Variants in ARHGEF4 observed in about 807,000 individuals in gnomAD.
The protein encoded by ARHGEF4 is Rho guanine nucleotide exchange factor 4.
In ARHGEF4, 119 loss-of-function variants were observed where a neutral mutation model predicts 162.0. The ratio of observed to expected loss-of-function variants is 0.73; its 90% CI spans 0.63 to 0.86. ARHGEF4 has a LOEUF of 0.86. Among genes scored for constraint, ARHGEF4 ranks in the 40% least tolerant of loss-of-function variants. ARHGEF4 has a pLI of 0.00. For missense variants in ARHGEF4, 2,488 were observed against 2,456.0 expected (o/e 1.01, Z -0.28); for synonymous variants, 1,014 against 979.9 (o/e 1.03, Z -0.65).
At chr2:130,851,736 A>G (rs1214563522) in intron 1 of ARHGEF4, among the ~76,000 whole-genome samples, 1 of 152,206 alleles carries the variant, frequency 6.6e-6, no homozygotes, top group African/African-American at 2.4e-5. Flanking sequence ...GAGCTGGAAC[A>G]AGGTCCCAAC....
chr2:130,880,831 A>T (rs1314818394), intron 1 of ARHGEF4, among the ~76,000 whole-genome samples: 5 of 145,612 alleles, frequency 3.4e-5, no homozygotes, highest in East Asian at 2.0e-4. Context: ...ACCCGGCCAA[A>T]TTTTTTTTTT....
chr2:130,927,758 C>T (rs1384969216), intron 2 of ARHGEF4, among the ~76,000 whole-genome samples: 1 of 152,102 alleles, frequency 6.6e-6, no homozygotes, highest in South Asian at 2.1e-4. Context: ...TTTTATGATC[C>T]CTAGCTGGTC....
At chr2:131,039,740 G>A (rs546812440) in intron 6 of ARHGEF4, 2 of 1,348,260 alleles carry the variant, frequency 1.5e-6, no homozygotes, top group Non-Finnish European at 1.9e-6. Flanking sequence ...TGCAGCAAGC[G>A]CTCCAGCCTC....
intron 2 of ARHGEF4, among the ~76,000 whole-genome samples, chr2:130,924,383 C>G (rs150370845): frequency 0.015 from 2,330 of 151,612 alleles, 70 homozygotes; most frequent in African/African-American, 0.053. Context: ...TCTCCTGCCT[C>G]AGCCTCCCAA....
intron 1 of ARHGEF4, among the ~76,000 whole-genome samples, chr2:130,856,459 C>G (rs762625819): frequency 1.3e-5 from 2 of 152,152 alleles, no homozygotes; most frequent in Non-Finnish European, 2.9e-5. Context: ...TTGTTGCTAG[C>G]AGATTTGCCT....
At chr2:130,931,297 G>A in intron 3 of ARHGEF4, 40 bp downstream of exon 3, 1 of 1,536,684 alleles carries the variant, frequency 6.5e-7, no homozygotes, top group Non-Finnish European at 8.8e-7. Flanking sequence ...ACTTGGTCTG[G>A]TATCCCCTTC....
chr2:131,042,094 C>T, intron 10 of ARHGEF4, 150 bp downstream of exon 10: 1 of 1,227,722 alleles, frequency 8.1e-7, no homozygotes. Flanking sequence ...AAAGCCTGTC[C>T]CCAGCGTGGG....
intron 1 of ARHGEF4, among the ~76,000 whole-genome samples, chr2:130,838,967 A>T (rs549726628): frequency 1.3e-5 from 2 of 152,174 alleles, no homozygotes; most frequent in Non-Finnish European, 2.9e-5. Context: ...ACGGTCCTCC[A>T]GTTCCCCATC....
intron 1 of ARHGEF4, among the ~76,000 whole-genome samples, chr2:130,876,134 C>G (rs576694798): frequency 6.6e-6 from 1 of 152,194 alleles, no homozygotes; most frequent in Non-Finnish European, 1.5e-5. Context: ...GTCCTCACCC[C>G]GCAGGTGATT....
intron 4 of ARHGEF4, among the ~76,000 whole-genome samples, chr2:130,975,111 C>T (rs763815866): frequency 7.9e-5 from 12 of 152,266 alleles, no homozygotes; most frequent in East Asian, 1.9e-4. Flanking sequence ...GTCTGAGGGC[C>T]GCAGTCCAGG....
rs769440403 is a variant in ARHGEF4, at chr2:130,916,413, C to T, written c.2467C>T (p.Arg823Cys). ...CCCGGCCCCGACCACCGAGGGTCGCCGCTGGGGCTCTTCAGGCCCCGAGGG... is the reference window on the plus strand; with the variant it reads ...CCCGGCCCCGACCACCGAGGGTCGCTGCTGGGGCTCTTCAGGCCCCGAGGG... ...GVPAPTTEGRRWGSSGPEGLP... is the reference protein window; with the variant it reads ...GVPAPTTEGRCWGSSGPEGLP... The change falls in exon 2 of 14, where the codon CGC (arginine) becomes TGC (cysteine). Residue 823 changes from arginine to cysteine, a missense_variant. Arg to Cys is a radical substitution (Grantham distance 180, BLOSUM62 -3). Transcript: ENST00000409359. 183 of 1,532,380 alleles carry T rather than the reference C, an allele frequency of 1.2e-4. 1 individual carries two copies. Among genetic ancestry groups the T allele is most frequent in the Admixed American group, 8.2e-4 (40 of 49,016 alleles). The allele number at this position is 1,532,380 out of a possible 1,614,324, so 94.9% of individuals were successfully genotyped here. A position where few individuals can be genotyped will look rare whatever the true frequency, so the allele number is the denominator to read the frequency against.
intron 4 of ARHGEF4, among the ~76,000 whole-genome samples, chr2:131,006,161 G>C (rs1158112900): frequency 6.6e-6 from 1 of 152,170 alleles, no homozygotes; most frequent in African/African-American, 2.4e-5. Flanking sequence ...AGGGACCTCA[G>C]TCCGACAGCA....
chr2:130,950,589 G>T (rs1683890875), intron 4 of ARHGEF4, among the ~76,000 whole-genome samples: 1 of 152,076 alleles, frequency 6.6e-6, no homozygotes, highest in Admixed American at 6.5e-5. Flanking sequence ...GTCATATACA[G>T]TTCGGTGGCA....
chr2:130,920,634 G>C (rs909239716), intron 2 of ARHGEF4, among the ~76,000 whole-genome samples: 3 of 152,168 alleles, frequency 2.0e-5, no homozygotes, highest in African/African-American at 4.8e-5. Flanking sequence ...GGGCATTCCT[G>C]GGAGAGCAGG....
In ARHGEF4 at chr2:130,890,575, AAT is replaced by A. The variant is rs35025642; in HGVS notation, c.40-23410_40-23409del. ...AGACTCCGTTTAAAAAAAAAAAAAA[AAT>A]TCCATCATTTTACCTCTCTGTGGTA... On this transcript the variant is annotated intron_variant, in intron 1 of 13. Coordinates refer to ENST00000409359, the MANE Select transcript of ARHGEF4 (RefSeq NM_001367493.1). Among the ~76,000 whole-genome samples, 573 of 146,334 alleles carry A rather than the reference AAT, an allele frequency of 3.9e-3. 5 individuals carry two copies. Among genetic ancestry groups the A allele is most frequent in the African/African-American group, 0.011 (453 of 39,504 alleles).
chr2:130,847,541 A>T (rs1379796511), intron 1 of ARHGEF4, among the ~76,000 whole-genome samples: 1 of 152,210 alleles, frequency 6.6e-6, no homozygotes, highest in Non-Finnish European at 1.5e-5. Flanking sequence ...TGACAGTCAC[A>T]TGTGCTGACG....
intron 4 of ARHGEF4, among the ~76,000 whole-genome samples, chr2:131,005,342 C>T (rs1418849223): frequency 1.3e-5 from 2 of 152,110 alleles, no homozygotes; most frequent in Non-Finnish European, 2.9e-5. Context: ...AAGCCCTCCC[C>T]GGTGAGCTAC....
intron 4 of ARHGEF4, among the ~76,000 whole-genome samples, chr2:130,986,586 T>C (rs986995359): frequency 1.3e-5 from 2 of 151,816 alleles, no homozygotes; most frequent in Non-Finnish European, 2.9e-5. Context: ...GGTGTGAGAG[T>C]GCAGCTGTTC....
chr2:130,877,133 G>A (rs548160966), intron 1 of ARHGEF4, among the ~76,000 whole-genome samples: 4 of 152,318 alleles, frequency 2.6e-5, no homozygotes, highest in Admixed American at 2.0e-4. Flanking sequence ...CTCACAGGGA[G>A]CTGCGTAGAA....
Sources: gnomAD v4.1 joint callset for allele counts (sites outside exome capture counted in the v4.1 genomes callset) on GRCh38, gnomAD v4.1.1 for gene constraint, MANE v1.5 for transcripts, NCBI Gene and HGNC (gene_info 2026-07-23, HGNC 2026-07-21) for gene names.